The following PPME1 variants were observed in gnomAD, a reference collection of about 807,000 sequenced individuals.
PPME1 encodes protein phosphatase methylesterase 1.
PPME1 carries 17 observed loss-of-function variants against 56.9 expected under a neutral mutation model. That is an observed-to-expected ratio of 0.30 (90% CI 0.20 to 0.45). The LOEUF (loss-of-function observed/expected upper bound fraction) is 0.45. Among genes scored for constraint, PPME1 ranks in the 20% least tolerant of loss-of-function variants. The pLI is 1.00. For synonymous variants in PPME1, 122 were observed against 156.2 expected (o/e 0.78, Z 1.63); for missense variants, 357 against 483.2 (o/e 0.74, Z 2.45).
At chr11:74,172,370 A>G (rs998299481) in intron 1 of PPME1, among the ~76,000 whole-genome samples, 5 of 152,334 alleles carry the variant, frequency 3.3e-5, no homozygotes, top group African/African-American at 1.2e-4. Flanking sequence ...AGATGACTAT[A>G]AATACGGTTT....
intron 1 of PPME1, among the ~76,000 whole-genome samples, chr11:74,199,529 C>T (rs1177661365): frequency 6.6e-6 from 1 of 152,062 alleles, no homozygotes; most frequent in Non-Finnish European, 1.5e-5. Context: ...AGTGGCTATT[C>T]ACGAGTGTGA....
chr11:74,185,544 A>G (rs1211228416), intron 1 of PPME1, among the ~76,000 whole-genome samples: 1 of 151,906 alleles, frequency 6.6e-6, no homozygotes, highest in African/African-American at 2.4e-5. Context: ...TTTGCAAAAC[A>G]TCAAAAAGTC....
chr11:74,187,247 A>G (rs530877161), intron 1 of PPME1, among the ~76,000 whole-genome samples: 51 of 152,228 alleles, frequency 3.4e-4, no homozygotes, highest in African/African-American at 1.2e-3. Flanking sequence ...TTCCATATGA[A>G]TTTTAGGGTG....
intron 13 of PPME1, chr11:74,252,402 C>G: frequency 2.2e-6 from 1 of 454,274 alleles, no homozygotes; most frequent in Non-Finnish European, 4.4e-6. Context: ...TGGCCTAGAG[C>G]AGGGTTTTCT....
At chr11:74,238,477 G>A (rs1591063215) in intron 8 of PPME1, 1 of 151,894 alleles carries the variant, frequency 6.6e-6, no homozygotes, top group Non-Finnish European at 1.5e-5. Flanking sequence ...CAGGCCCTTG[G>A]GATTTTTTTA....
intron 1 of PPME1, among the ~76,000 whole-genome samples, chr11:74,175,197 G>A (rs1276048332): frequency 1.3e-5 from 2 of 152,062 alleles, no homozygotes; most frequent in African/African-American, 4.8e-5. Context: ...ACGTGTTTTT[G>A]GTTTATCAGT....
At chr11:74,195,156 T>C (rs1320325210) in intron 1 of PPME1, among the ~76,000 whole-genome samples, 1 of 152,174 alleles carries the variant, frequency 6.6e-6, no homozygotes, top group African/African-American at 2.4e-5. Context: ...CAAAGAATAA[T>C]AAATTCTCAT....
chr11:74,215,957 TTATACA>T lies in PPME1; in HGVS notation c.289-6350_289-6345del, dbSNP rs527492092. 2.5e-3 allele frequency among the ~76,000 whole-genome samples: 381 copies of T among 152,292 alleles called. 1 individual carries two copies. The highest frequency in any genetic ancestry group is 7.7e-3 in the African/African-American group (319 of 41,556). On this transcript the variant is annotated intron_variant, in intron 3 of 13. Coordinates refer to ENST00000328257, the MANE Select transcript of PPME1 (RefSeq NM_016147.3). ...TCAATTCAGCAAGAGGATATAACAG[TTATACA>T]TATATATGCACCCAACACTGGAGCA...
chr11:74,218,647 G>A (rs1461725744), intron 3 of PPME1, among the ~76,000 whole-genome samples: 1 of 152,100 alleles, frequency 6.6e-6, no homozygotes, highest in Non-Finnish European at 1.5e-5. Context: ...ACACATGTTG[G>A]GGCAAGGACA....
chr11:74,178,093 A>G (rs1857443023), intron 1 of PPME1, among the ~76,000 whole-genome samples: 1 of 152,206 alleles, frequency 6.6e-6, no homozygotes, highest in African/African-American at 2.4e-5. Context: ...CAGTTGCTAA[A>G]CAATTTCATT....
chr11:74,182,969 C>T (rs1372038252), intron 1 of PPME1, among the ~76,000 whole-genome samples: 6 of 142,450 alleles, frequency 4.2e-5, no homozygotes, highest in Non-Finnish European at 7.6e-5. Context: ...CCAACCTGGG[C>T]AACATAGCTA....
intron 1 of PPME1, among the ~76,000 whole-genome samples, chr11:74,190,589 T>C (rs1309404237): frequency 6.6e-6 from 1 of 152,234 alleles, no homozygotes; most frequent in East Asian, 1.9e-4. Flanking sequence ...TATTTCTTTA[T>C]AGCAGTGCAA....
At chr11:74,199,182 CT>C (rs2135616796) in intron 1 of PPME1, among the ~76,000 whole-genome samples, 1 of 152,272 alleles carries the variant, frequency 6.6e-6, no homozygotes, top group Non-Finnish European at 1.5e-5. Flanking sequence ...CAATGCCTAG[CT>C]TAAGTGTGTC....
intron 1 of PPME1, among the ~76,000 whole-genome samples, chr11:74,195,218 T>TG (rs1354336914): frequency 1.3e-5 from 2 of 152,222 alleles, no homozygotes; most frequent in East Asian, 3.8e-4. Context: ...CTTAGAAACC[T>TG]GTTTGTCTCT....
At position 74,253,562 on chromosome 11, in the gene PPME1, C is replaced by T; in HGVS notation, c.*52C>T. 6.5e-7 allele frequency: 1 copy of T among 1,549,316 alleles called. No homozygotes were observed. Among genetic ancestry groups the T allele is most frequent in the Non-Finnish European group, 8.9e-7 (1 of 1,121,138 alleles). ...ATCGAGCTCTGTTGTAAATACGTCGCACCAGAGGCCACTGTGATGCCACTG... is the reference window on the plus strand; with the variant it reads ...ATCGAGCTCTGTTGTAAATACGTCGTACCAGAGGCCACTGTGATGCCACTG... On this transcript the variant is annotated 3_prime_UTR_variant, in exon 14 of 14. Transcript: ENST00000328257.
At chr11:74,193,301 G>A (rs1857891641) in intron 1 of PPME1, among the ~76,000 whole-genome samples, 1 of 152,218 alleles carries the variant, frequency 6.6e-6, no homozygotes, top group African/African-American at 2.4e-5. Context: ...GTTGCTTTCT[G>A]ATGGTTCAGT....
chr11:74,177,794 A>C (rs1857437666), intron 1 of PPME1, among the ~76,000 whole-genome samples: 5 of 152,244 alleles, frequency 3.3e-5, no homozygotes. Context: ...CCTTGAAGAA[A>C]TATGGTATCT....
In PPME1 at chr11:74,253,587, G is replaced by C; in HGVS notation, c.*77G>C. Reference sequence around the variant, plus strand: ...CACCAGAGGCCACTGTGATGCCACTGTCTCCTCTCCATCCCGCCCAGCCAT... The same window carrying C: ...CACCAGAGGCCACTGTGATGCCACTCTCTCCTCTCCATCCCGCCCAGCCAT... On this transcript the variant is annotated 3_prime_UTR_variant, in exon 14 of 14. Coordinates refer to ENST00000328257, the MANE Select transcript of PPME1 (RefSeq NM_016147.3). 1 of 1,479,820 alleles carries C rather than the reference G, an allele frequency of 6.8e-7. No individual in the cohort carries two copies. Among genetic ancestry groups the C allele is most frequent in the Non-Finnish European group, 9.4e-7 (1 of 1,058,434 alleles). 91.7% of individuals were successfully genotyped at this position (1,479,820 alleles called of 1,614,324 possible). A position where few individuals can be genotyped will look rare whatever the true frequency, so the allele number is the denominator to read the frequency against.
At position 74,228,988 on chromosome 11, in the gene PPME1, T is replaced by C. The variant is rs554055319; in HGVS notation, c.399-1257T>C. Among the ~76,000 whole-genome samples, 41 of 152,318 alleles carry C rather than the reference T, an allele frequency of 2.7e-4. No individual in the cohort carries two copies. The South Asian group carries it at 5.8e-3, about 22-fold the overall frequency. ...CTTCACTTTCTGTCTTAATCTTAAA[T>C]TTAAGTCGAACGAATATTAAACTAT... On this transcript the variant is annotated intron_variant, in intron 5 of 13. Transcript: ENST00000328257.
Sources: allele counts gnomAD v4.1 joint callset (sites outside exome capture counted in the v4.1 genomes callset), GRCh38; gene constraint gnomAD v4.1.1; transcripts MANE v1.5; gene names NCBI Gene and HGNC (gene_info 2026-07-23, HGNC 2026-07-21).